Variants in BCL2L11 observed in about 807,000 individuals in gnomAD.
The protein encoded by BCL2L11 is bcl-2-like protein 11.
BCL2L11 carries 15 observed loss-of-function variants against 20.6 expected under a neutral mutation model. The observed-to-expected ratio is 0.73, with a 90% CI of 0.49 to 1.12. The LOEUF is 1.12. Among genes scored for constraint, BCL2L11 ranks in the 50% most tolerant of loss-of-function variants. The probability of loss-of-function intolerance (pLI) is 0.00; values close to 1 mark genes in which losing one functional copy is unlikely to be tolerated. For synonymous variants in BCL2L11, 108 were observed against 92.8 expected (o/e 1.16, Z -0.94); for missense variants, 292 against 260.9 (o/e 1.12, Z -0.82).
In BCL2L11 at chr2:111,123,991, T is replaced by C. The variant is rs1165152923; in HGVS notation, c.246T>C (p.Phe82=). The C allele has an allele frequency of 6.8e-6, 11 of 1,614,124 alleles. No homozygotes were observed. Among genetic ancestry groups the C allele is most frequent in the Admixed American group, 1.7e-5 (1 of 60,016 alleles). ...CTACCAGATCCCCGCTTTTCATCTT[T>C]ATGAGAAGATCCTCCCTGCTGTCTC... ...PFATRSPLFI[F]MRRSSLLSRS... Residue 82 remains phenylalanine (F), a synonymous_variant, in exon 2 of 4, where the codon TTT becomes TTC. Transcript: ENST00000393256.
intron 2 of BCL2L11, among the ~76,000 whole-genome samples, chr2:111,143,785 T>C (rs994955980): frequency 1.3e-5 from 2 of 152,198 alleles, no homozygotes; most frequent in Non-Finnish European, 2.9e-5. Flanking sequence ...CTAGTAAATA[T>C]GTTAATATGT....
intron 3 of BCL2L11, among the ~76,000 whole-genome samples, chr2:111,158,435 C>T (rs1041960074): frequency 2.0e-5 from 3 of 152,106 alleles, no homozygotes; most frequent in African/African-American, 7.2e-5. Context: ...GATCAGACAC[C>T]AACCAGAGAG....
At chr2:111,123,435 C>T in intron 1 of BCL2L11, 3 of 985,484 alleles carry the variant, frequency 3.0e-6, no homozygotes, top group Non-Finnish European at 3.6e-6. Flanking sequence ...GGGCAAAGAG[C>T]ACACACGAAT....
At chr2:111,148,214 G>A (rs1251689631) in intron 2 of BCL2L11, among the ~76,000 whole-genome samples, 1 of 152,226 alleles carries the variant, frequency 6.6e-6, no homozygotes, top group East Asian at 1.9e-4. Context: ...GTGGGTGATG[G>A]TGTCTTGCTG....
intron 1 of BCL2L11, chr2:111,122,521 T>G: frequency 2.5e-6 from 2 of 812,446 alleles, no homozygotes; most frequent in Non-Finnish European, 3.0e-6. Context: ...CGGCTGCCGA[T>G]TGGCTGCGGC....
intron 2 of BCL2L11, among the ~76,000 whole-genome samples, chr2:111,136,878 C>G (rs1177456677): frequency 6.6e-6 from 1 of 152,162 alleles, no homozygotes. Context: ...CTTCTTCACT[C>G]CTTTTTACTC....
intron 2 of BCL2L11, chr2:111,130,147 C>G (rs1365310651): frequency 2.7e-6 from 1 of 376,306 alleles, no homozygotes; most frequent in African/African-American, 2.3e-5. Flanking sequence ...CTCTGTCACC[C>G]AGGCTGGAGT....
At chr2:111,122,265 G>C (rs2071198869) in intron 1 of BCL2L11, among the ~76,000 whole-genome samples, 1 of 152,256 alleles carries the variant, frequency 6.6e-6, no homozygotes, top group Non-Finnish European at 1.5e-5. Flanking sequence ...GGATGGCCCT[G>C]CGGGTCCGGG....
chr2:111,130,296 G>T (rs1489511151), intron 2 of BCL2L11: 2 of 273,156 alleles, frequency 7.3e-6, no homozygotes, highest in Admixed American at 5.3e-5. Flanking sequence ...TTAGAGATGG[G>T]TTTCACCATG....
chr2:111,153,949 C>A lies in BCL2L11; in HGVS notation c.498+3802C>A, dbSNP rs1575163098. 6 of 1,460,390 alleles carry A rather than the reference C, an allele frequency of 4.1e-6. No individual in the cohort carries two copies. The East Asian group carries it at 1.6e-4, about 38-fold the overall frequency. The allele number at this position is 1,460,390 out of a possible 1,614,324, so 90.5% of individuals were successfully genotyped here. ...GCATGTCCCCTCTTCTCTCCCGATG[C>A]AGTGTCATTCCCAGGTGAACCTGCC... On this transcript the variant is annotated intron_variant, in intron 3 of 3. Coordinates refer to ENST00000393256, the MANE Select transcript of BCL2L11 (RefSeq NM_138621.5).
In BCL2L11 at chr2:111,132,726, G is replaced by C. The variant is rs1361013490; in HGVS notation, c.394+8587G>C. Among the ~76,000 whole-genome samples, 3 of 152,144 alleles carry C rather than the reference G, an allele frequency of 2.0e-5. No homozygotes were observed. The East Asian group carries it at 5.8e-4, about 29-fold the overall frequency. On this transcript the variant is annotated intron_variant, in intron 2 of 3. Coordinates refer to ENST00000393256, the MANE Select transcript of BCL2L11 (RefSeq NM_138621.5). ...ACATTGCCTGTAATACCTACAGATCGGGTGAATTCCATTCTCCTCGAGGTC... is the reference window on the plus strand; with the variant it reads ...ACATTGCCTGTAATACCTACAGATCCGGTGAATTCCATTCTCCTCGAGGTC...
intron 1 of BCL2L11, among the ~76,000 whole-genome samples, chr2:111,121,456 G>C (rs972017399): frequency 6.6e-6 from 1 of 152,220 alleles, no homozygotes; most frequent in Non-Finnish European, 1.5e-5. Context: ...CGCGGGCCTG[G>C]TGAAGGGTCG....
At position 111,168,154 on chromosome 2, in the gene BCL2L11, C is replaced by G. The variant is rs547786801; in HGVS notation, c.*3923C>G. Reference sequence around the variant, plus strand: ...GGGAATTTCAGACTATAGAAGCTCTCTTATGTTTTATGTCCAGATTCTGTG... The same window carrying G: ...GGGAATTTCAGACTATAGAAGCTCTGTTATGTTTTATGTCCAGATTCTGTG... On this transcript the variant is annotated 3_prime_UTR_variant, in exon 4 of 4. Transcript: ENST00000393256. The G allele has an allele frequency of 6.6e-6, 1 of 152,576 alleles. No homozygotes were observed. Among genetic ancestry groups the G allele is most frequent in the South Asian group, 2.1e-4 (1 of 4,828 alleles). The allele number at this position is 152,576 out of a possible 1,614,324, so 9.5% of individuals were successfully genotyped here.
intron 2 of BCL2L11, among the ~76,000 whole-genome samples, chr2:111,127,499 T>C (rs939293649): frequency 6.6e-6 from 1 of 151,642 alleles, no homozygotes; most frequent in Non-Finnish European, 1.5e-5. Context: ...TCCTTTAGTT[T>C]GTGAGCTCCC....
Position 111,150,161 on chromosome 2 carries a change from C to T in BCL2L11, c.498+14C>T. 1 of 1,612,024 alleles carries T rather than the reference C, an allele frequency of 6.2e-7. No individual in the cohort carries two copies. The highest frequency in any genetic ancestry group is 8.5e-7 in the Non-Finnish European group (1 of 1,178,854). On this transcript the variant is annotated intron_variant, in intron 3 of 3. Transcript: ENST00000393256. ...TATGCAAGGAGGGTAATGATGTTTT[C>T]TTTACCCGCTTTTCTGCTCACACCC...
At chr2:111,146,226 A>C in intron 2 of BCL2L11, 1 of 983,786 alleles carries the variant, frequency 1.0e-6, no homozygotes, top group Non-Finnish European at 1.2e-6. Context: ...TTGCCAAGTT[A>C]AAAATTTGAT....
chr2:111,140,795 A>G (rs2075677927), intron 2 of BCL2L11, among the ~76,000 whole-genome samples: 1 of 152,266 alleles, frequency 6.6e-6, no homozygotes, highest in African/African-American at 2.4e-5. Context: ...AACTTAAGAA[A>G]AAGTTTGATA....
intron 3 of BCL2L11, among the ~76,000 whole-genome samples, chr2:111,156,889 AT>A (rs1399387641): frequency 1.3e-5 from 2 of 152,132 alleles, no homozygotes; most frequent in African/African-American, 4.8e-5. Flanking sequence ...TAATTGAAAC[AT>A]TTTTCAATGG....
intron 2 of BCL2L11, chr2:111,142,301 T>A: frequency 6.5e-7 from 1 of 1,549,568 alleles, no homozygotes; most frequent in South Asian, 1.2e-5. Flanking sequence ...ACAACATTTT[T>A]ATGGCTTGCA....
Sources: gnomAD v4.1 joint callset for allele counts (sites outside exome capture counted in the v4.1 genomes callset) on GRCh38, gnomAD v4.1.1 for gene constraint, MANE v1.5 for transcripts, NCBI Gene and HGNC (gene_info 2026-07-23, HGNC 2026-07-21) for gene names.